RAB22A: variants seen among roughly 807,000 people sequenced by gnomAD.
The protein encoded by RAB22A is ras-related protein Rab-22A.
In RAB22A, 13 loss-of-function variants were observed where a neutral mutation model predicts 30.2. The observed-to-expected ratio is 0.43, with a 90% CI of 0.28 to 0.68. The LOEUF (loss-of-function observed/expected upper bound fraction) is 0.68. Ranked by LOEUF, RAB22A falls within the 30% of genes least tolerant of loss-of-function variation. The pLI is 0.18. For synonymous variants in RAB22A, 89 were observed against 87.2 expected (o/e 1.02, Z -0.11); for missense variants, 177 against 246.8 (o/e 0.72, Z 1.89).
intron 2 of RAB22A, among the ~76,000 whole-genome samples, chr20:58,340,300 A>G (rs146769588): frequency 1.1e-4 from 17 of 151,984 alleles, no homozygotes; most frequent in Middle Eastern, 3.4e-3. Flanking sequence ...GGCTAGAAGG[A>G]GTTGGAGCTG....
At position 58,353,499 on chromosome 20, in the gene RAB22A, T is replaced by C; in HGVS notation, c.338T>C (p.Val113Ala). The C allele has an allele frequency of 6.2e-7, 1 of 1,612,238 alleles. No homozygotes were observed. The highest frequency in any genetic ancestry group is 8.5e-7 in the Non-Finnish European group (1 of 1,178,266). ...CAGCATGGCCCACCTAATATTGTAG[T>C]TGCCATTGCAGGAAATAAATGTGAT... The part of the protein sequence containing the change: ...LRQHGPPNIV[V>A]AIAGNKCDLI... Residue 113 changes from valine (V) to alanine (A), a missense_variant, in exon 5 of 7, where the codon GTT becomes GCT. Coordinates refer to ENST00000244040, the MANE Select transcript of RAB22A (RefSeq NM_020673.3).
At chr20:58,340,816 G>A (rs1986842750) in intron 2 of RAB22A, among the ~76,000 whole-genome samples, 2 of 152,208 alleles carry the variant, frequency 1.3e-5, no homozygotes, top group African/African-American at 2.4e-5. Context: ...TGGCACAGGT[G>A]TCTATGGTCA....
At chr20:58,329,801 T>C (rs750292172) in intron 2 of RAB22A, among the ~76,000 whole-genome samples, 2 of 152,170 alleles carry the variant, frequency 1.3e-5, no homozygotes, top group Non-Finnish European at 2.9e-5. Flanking sequence ...CCCATCTTTT[T>C]CTCTCTATTC....
intron 6 of RAB22A, among the ~76,000 whole-genome samples, chr20:58,356,523 A>T (rs1987131728): frequency 6.6e-6 from 1 of 152,196 alleles, no homozygotes; most frequent in Admixed American, 6.5e-5. Context: ...CTTTGTATTG[A>T]AGTATAATAG....
intron 2 of RAB22A, among the ~76,000 whole-genome samples, chr20:58,319,986 C>G (rs1374573373): frequency 6.6e-6 from 1 of 152,076 alleles, no homozygotes; most frequent in East Asian, 1.9e-4. Flanking sequence ...TTCTCTTGGT[C>G]ATTATGCATT....
At position 58,365,068 on chromosome 20, in the gene RAB22A, G is replaced by C. The variant is rs1480550245; in HGVS notation, c.*5365G>C. ...TTTTTTTAAAGGGCCTTTCTTAATT[G>C]ACAGTTTTAAGCTGTAGACATTAAT... On this transcript the variant is annotated 3_prime_UTR_variant, in exon 7 of 7. Coordinates refer to ENST00000244040, the MANE Select transcript of RAB22A (RefSeq NM_020673.3). 2 of 152,072 alleles carry C rather than the reference G, an allele frequency of 1.3e-5. No homozygotes were observed. Among genetic ancestry groups the C allele is most frequent in the Non-Finnish European group, 2.9e-5 (2 of 68,020 alleles). The allele number at this position is 152,072 out of a possible 1,614,324, so 9.4% of individuals were successfully genotyped here. A position where few individuals can be genotyped will look rare whatever the true frequency, so the allele number is the denominator to read the frequency against.
At chr20:58,322,112 T>A (rs1228661605) in intron 2 of RAB22A, among the ~76,000 whole-genome samples, 1 of 152,238 alleles carries the variant, frequency 6.6e-6, no homozygotes, top group Non-Finnish European at 1.5e-5. Context: ...TGTTAGATTT[T>A]CTTGATGACC....
chr20:58,330,225 A>G (rs913043435), intron 2 of RAB22A, among the ~76,000 whole-genome samples: 4 of 152,204 alleles, frequency 2.6e-5, no homozygotes, highest in African/African-American at 9.7e-5. Flanking sequence ...AAGGATGACT[A>G]TTCTGTTCAG....
chr20:58,359,343 G>A (rs185606518), intron 6 of RAB22A, among the ~76,000 whole-genome samples: 1 of 152,108 alleles, frequency 6.6e-6, no homozygotes, highest in Admixed American at 6.5e-5. Flanking sequence ...AGTTAATAGT[G>A]ATGTGGCAAT....
At position 58,366,264 on chromosome 20, in the gene RAB22A, A is replaced by G. The variant is rs1987314425; in HGVS notation, c.*6561A>G. 6.6e-6 allele frequency: 1 copy of G among 152,218 alleles called. No homozygotes were observed. Among genetic ancestry groups the G allele is most frequent in the Non-Finnish European group, 1.5e-5 (1 of 68,066 alleles). The allele number at this position is 152,218 out of a possible 1,614,324, so 9.4% of individuals were successfully genotyped here. A position where few individuals can be genotyped will look rare whatever the true frequency, so the allele number is the denominator to read the frequency against. On this transcript the variant is annotated 3_prime_UTR_variant, in exon 7 of 7. Transcript: ENST00000244040. ...CCTGCGGCCTTCCGTGGTCACAGCAACAGGGACTGCTCACCCCCTCCAGCT... is the reference window on the plus strand; with the variant it reads ...CCTGCGGCCTTCCGTGGTCACAGCAGCAGGGACTGCTCACCCCCTCCAGCT...
At chr20:58,347,235 A>G (rs1986965369) in intron 3 of RAB22A, among the ~76,000 whole-genome samples, 1 of 152,218 alleles carries the variant, frequency 6.6e-6, no homozygotes, top group Admixed American at 6.5e-5. Flanking sequence ...TAGTTTTGAC[A>G]GATGGATTGT....
At chr20:58,323,370 A>G (rs1024617656) in intron 2 of RAB22A, among the ~76,000 whole-genome samples, 1 of 152,058 alleles carries the variant, frequency 6.6e-6, no homozygotes, top group Admixed American at 6.6e-5. Context: ...GCTTATCTCT[A>G]TACATTATTT....
chr20:58,343,656 G>T, intron 2 of RAB22A, 62 bp from the exon 3 acceptor site: 2 of 1,328,454 alleles, frequency 1.5e-6, no homozygotes, highest in South Asian at 2.4e-5. Context: ...TGATGTTTCC[G>T]ACTGGGGCTG....
At chr20:58,318,943 T>C (rs990207047) in intron 2 of RAB22A, among the ~76,000 whole-genome samples, 1 of 152,224 alleles carries the variant, frequency 6.6e-6, no homozygotes, top group Non-Finnish European at 1.5e-5. Context: ...TGTTGTGAAA[T>C]TGAATTCAAA....
At chr20:58,344,501 C>T (rs914503470) in intron 3 of RAB22A, among the ~76,000 whole-genome samples, 2 of 152,202 alleles carry the variant, frequency 1.3e-5, no homozygotes, top group Non-Finnish European at 2.9e-5. Context: ...TACTAAGACA[C>T]ATCTGCTGCC....
In RAB22A at chr20:58,353,260, CCCT is replaced by C. The variant is rs1987081807; in HGVS notation, c.199-8_199-6del. 1.9e-6 allele frequency: 3 copies of C among 1,610,398 alleles called. No homozygotes were observed. The highest frequency in any genetic ancestry group is 2.2e-5 in the East Asian group (1 of 44,858). ...TTTTCCCAATTTTGTTTATTTTTCC[CCCT>C]CCTCTGCAGTTTCGTGCCTTAGCAC... On this transcript the variant is annotated splice_polypyrimidine_tract_variant and intron_variant, in intron 3 of 6. Coordinates refer to ENST00000244040, the MANE Select transcript of RAB22A (RefSeq NM_020673.3).
In RAB22A at chr20:58,313,763, G is replaced by A. The variant is rs150583052; in HGVS notation, c.116+2641G>A. Among the ~76,000 whole-genome samples the A allele has an allele frequency of 7.5e-3, 1,139 of 152,216 alleles. 21 individuals are homozygous for A. The highest frequency in any genetic ancestry group is 0.012 in the Non-Finnish European group (803 of 68,016). On this transcript the variant is annotated intron_variant, in intron 2 of 6. Transcript: ENST00000244040. The stretch of plus-strand genomic sequence containing the variant: ...GGTGCTGGTGCCTAGACCAGGGGTG[G>A]GCAAACTGTGGCCTTTTTGCCCGCC...
chr20:58,345,659 T>C, intron 3 of RAB22A: 1 of 152,456 alleles, frequency 6.6e-6, no homozygotes, highest in Non-Finnish European at 1.5e-5. Context: ...AGCGCAGTGC[T>C]GAGGAAAGCC....
chr20:58,325,245 C>A (rs1348630240), intron 2 of RAB22A, among the ~76,000 whole-genome samples: 1 of 148,582 alleles, frequency 6.7e-6, no homozygotes, highest in African/African-American at 2.5e-5. Context: ...TTGGAAGGCC[C>A]AGGTGGGCGG....
Sources: allele counts gnomAD v4.1 joint callset (sites outside exome capture counted in the v4.1 genomes callset), GRCh38; gene constraint gnomAD v4.1.1; transcripts MANE v1.5; gene names NCBI Gene and HGNC (gene_info 2026-07-23, HGNC 2026-07-21).